Variants in PLCH1 observed in about 807,000 individuals in gnomAD.
The protein encoded by PLCH1 is phospholipase C eta 1, also known as 1-phosphatidylinositol 4,5-bisphosphate phosphodiesterase eta-1.
PLCH1 carries 60 observed loss-of-function variants against 126.7 expected under a neutral mutation model. The observed-to-expected ratio is 0.47, with a 90% CI of 0.38 to 0.59. The LOEUF is 0.59. Among genes scored for constraint, PLCH1 ranks in the 20% least tolerant of loss-of-function variants. PLCH1 has a pLI of 0.00. For missense variants in PLCH1, 1,723 were observed against 2,040.0 expected, an observed-to-expected ratio of 0.84 and a Z score of 2.99; for synonymous variants, 719 against 734.9, an observed-to-expected ratio of 0.98 and a Z score of 0.35.
chr3:155,715,449 C>A (rs186421270), intron 1 of PLCH1, among the ~76,000 whole-genome samples: 1 of 152,024 alleles, frequency 6.6e-6, no homozygotes, highest in East Asian at 1.9e-4. Context: ...GGACCACAGG[C>A]ATGCGCCAAC....
chr3:155,492,569 A>G (rs1716386253), intron 18 of PLCH1, among the ~76,000 whole-genome samples, 160 bp downstream of exon 18: 2 of 152,200 alleles, frequency 1.3e-5, no homozygotes, highest in South Asian at 2.1e-4. Flanking sequence ...TACAGCAAGA[A>G]CTGTGTGACT....
intron 10 of PLCH1, among the ~76,000 whole-genome samples, chr3:155,532,392 C>T (rs1189043950): frequency 2.6e-5 from 4 of 152,136 alleles, no homozygotes; most frequent in East Asian, 1.9e-4. Context: ...GATCCACCCT[C>T]GAAAACACAT....
chr3:155,467,672 A>C (rs962534726), intron 21 of PLCH1, among the ~76,000 whole-genome samples: 1 of 152,200 alleles, frequency 6.6e-6, no homozygotes, highest in East Asian at 1.9e-4. Flanking sequence ...GAAACCTCAC[A>C]GTCCAGGAGA....
rs34922939 is a variant in PLCH1 at position 155,565,702 on chromosome 3, A to AT, written c.866-585dup. Among the ~76,000 whole-genome samples, 328 of 43,718 alleles carry AT rather than the reference A, an allele frequency of 7.5e-3. 1 individual carries two copies. Among genetic ancestry groups the AT allele is most frequent in the Non-Finnish European group, 0.015 (134 of 8,798 alleles). 28.7% of individuals were successfully genotyped at this position (43,718 alleles called of 152,430 possible). ...CTTCTTTATTTTATTTTATTTATTT[A>AT]TTTTTTTTTTTGAGATGGAGTCTTG... is the stretch of plus-strand genomic sequence containing the variant. On this transcript the variant is annotated intron_variant, in intron 7 of 22. Coordinates refer to ENST00000460012, the MANE Select transcript of PLCH1 (RefSeq NM_014996.4).
rs71155063 is a variant in PLCH1 at position 155,732,877 on chromosome 3, CAAAA to C, written c.-41+11959_-41+11962del. On this transcript the variant is annotated intron_variant, in intron 1 of 22. Coordinates refer to ENST00000460012, the MANE Select transcript of PLCH1 (RefSeq NM_014996.4). ...TGGGTGACAGGGTGAGACTGCATCT[CAAAA>C]AAAAAAAAAAAAAAAAAAATCAGTT... Among the ~76,000 whole-genome samples the C allele has an allele frequency of 4.4e-3, 353 of 80,178 alleles. 1 individual carries two copies. The highest frequency in any genetic ancestry group is 0.029 in the East Asian group (75 of 2,628). The allele number at this position is 80,178 out of a possible 152,430, so 52.6% of individuals were successfully genotyped here.
rs138953720 is a variant in PLCH1, at chr3:155,634,061, G to A, written c.80-37683C>T. ...AGCATCAATAACTAAGCCTAAAGCAGACTCCCTACTGCTTACCATCCACGG... is the reference window on the plus strand; with the variant it reads ...AGCATCAATAACTAAGCCTAAAGCAAACTCCCTACTGCTTACCATCCACGG... On this transcript the variant is annotated intron_variant, in intron 2 of 22. Coordinates refer to ENST00000460012, the MANE Select transcript of PLCH1 (RefSeq NM_014996.4). 8.3e-3 allele frequency among the ~76,000 whole-genome samples: 1,260 copies of A among 152,220 alleles called. 12 individuals are homozygous for A. The highest frequency in any genetic ancestry group is 9.9e-3 in the Non-Finnish European group (674 of 68,010).
intron 22 of PLCH1, among the ~76,000 whole-genome samples, chr3:155,484,981 T>C (rs906331884): frequency 3.5e-4 from 53 of 152,370 alleles, no homozygotes; most frequent in Middle Eastern, 3.4e-3. Flanking sequence ...AAATGTGTTA[T>C]ATGGTAAGAA....
At chr3:155,595,116 A>C (rs1432450267) in intron 3 of PLCH1, among the ~76,000 whole-genome samples, 2 of 152,228 alleles carry the variant, frequency 1.3e-5, no homozygotes, top group Non-Finnish European at 2.9e-5. Flanking sequence ...CAGGCCGCTT[A>C]TGGTGGATTG....
chr3:155,511,901 CTTTGT>C (rs1719590712), intron 12 of PLCH1, among the ~76,000 whole-genome samples: 1 of 152,174 alleles, frequency 6.6e-6, no homozygotes, highest in Non-Finnish European at 1.5e-5. Flanking sequence ...TTCCAGGCTG[CTTTGT>C]TTACCTAAGC....
At chr3:155,484,689 G>A (rs538971950) in intron 22 of PLCH1, among the ~76,000 whole-genome samples, 2 of 152,292 alleles carry the variant, frequency 1.3e-5, no homozygotes, top group South Asian at 2.1e-4. Context: ...CACACTGCAA[G>A]GCGGTCTTCA....
At chr3:155,494,284 A>T (rs1011960771) in intron 16 of PLCH1, 36 bp from the exon 17 acceptor site, 1 of 1,610,422 alleles carries the variant, frequency 6.2e-7, no homozygotes, top group African/African-American at 1.3e-5. Flanking sequence ...ATTAGGCAAG[A>T]TGGTGGCATA....
intron 2 of PLCH1, among the ~76,000 whole-genome samples, chr3:155,685,804 T>C (rs905538045): frequency 1.3e-5 from 2 of 152,106 alleles, no homozygotes; most frequent in African/African-American, 2.4e-5. Context: ...CCCTCAATTA[T>C]AAAGAATTTC....
At chr3:155,709,067 G>C (rs540067023) in intron 1 of PLCH1, among the ~76,000 whole-genome samples, 1 of 152,214 alleles carries the variant, frequency 6.6e-6, no homozygotes, top group East Asian at 1.9e-4. Flanking sequence ...TCTCTCACTT[G>C]GTGATATGCA....
rs561400872 is a variant in PLCH1, at chr3:155,679,363, C to G, written c.79+24783G>C. On this transcript the variant is annotated intron_variant, in intron 2 of 22. Coordinates refer to ENST00000460012, the MANE Select transcript of PLCH1 (RefSeq NM_014996.4). Reference sequence around the variant, plus strand: ...CTCTAAACCTGTAAGCCTAAATATCCTCCCCTGGCAATGGCAGTACCTACC... The same window carrying G: ...CTCTAAACCTGTAAGCCTAAATATCGTCCCCTGGCAATGGCAGTACCTACC... 3.3e-5 allele frequency among the ~76,000 whole-genome samples: 5 copies of G among 152,214 alleles called. No homozygotes were observed. The South Asian group carries it at 8.3e-4, about 25-fold the overall frequency.
chr3:155,538,887 C>A (rs988255873), intron 10 of PLCH1, among the ~76,000 whole-genome samples: 2 of 151,830 alleles, frequency 1.3e-5, no homozygotes, highest in Non-Finnish European at 2.9e-5. Context: ...AAGAATCCCC[C>A]CTAAATCATG....
At chr3:155,623,571 G>C (rs1736817562) in intron 2 of PLCH1, among the ~76,000 whole-genome samples, 1 of 151,992 alleles carries the variant, frequency 6.6e-6, no homozygotes, top group Non-Finnish European at 1.5e-5. Context: ...AATGATAAAG[G>C]GGAGATCACC....
intron 2 of PLCH1, among the ~76,000 whole-genome samples, chr3:155,670,774 C>T (rs984007131): frequency 6.6e-6 from 1 of 152,176 alleles, no homozygotes; most frequent in African/African-American, 2.4e-5. Flanking sequence ...TCACCTTGCT[C>T]TTTAGATCCA....
At chr3:155,467,864 G>A (rs1242120301) in intron 21 of PLCH1, among the ~76,000 whole-genome samples, 1 of 152,160 alleles carries the variant, frequency 6.6e-6, no homozygotes, top group Non-Finnish European at 1.5e-5. Context: ...GAATACTTCA[G>A]TCAGAAAGAA....
chr3:155,487,440 T>A (rs1715419684), intron 21 of PLCH1, among the ~76,000 whole-genome samples: 1 of 152,228 alleles, frequency 6.6e-6, no homozygotes, highest in African/African-American at 2.4e-5. Flanking sequence ...GACAACCTAT[T>A]GATTTGTAAA....
Sources: gnomAD v4.1 joint callset for allele counts (sites outside exome capture counted in the v4.1 genomes callset) on GRCh38, gnomAD v4.1.1 for gene constraint, MANE v1.5 for transcripts, NCBI Gene and HGNC (gene_info 2026-07-23, HGNC 2026-07-21) for gene names.